Variants in WT1 observed in about 807,000 individuals in gnomAD.
WT1 encodes Wilms tumor protein.
WT1 carries 8 observed loss-of-function variants against 60.8 expected under a neutral mutation model. The ratio of observed to expected loss-of-function variants is 0.13; its 90% confidence interval spans 0.08 to 0.24. The LOEUF is 0.24. WT1 is among the 10% of genes least tolerant of loss of function. The pLI, the probability that WT1 is intolerant of heterozygous loss-of-function variation, is 1.00. For missense variants in WT1, 568 were observed against 711.8 expected (o/e 0.80, Z 2.30); for synonymous variants, 312 against 297.1 (o/e 1.05, Z -0.52).
chr11:32,396,113 C>T lies in WT1; in HGVS notation c.1264+144G>A, dbSNP rs1019710119. On this transcript the variant is annotated intron_variant, in intron 7 of 9. Coordinates refer to ENST00000452863, the MANE Select transcript of WT1 (RefSeq NM_024426.6). ...ATCAGAATGCAAAATGGCCCCACAG[C>T]CTCTTTACAACACCTGGATCAGACC... 1.8e-5 allele frequency: 21 copies of T among 1,173,904 alleles called. No individual in the cohort carries two copies. The African/African-American group carries it at 2.3e-4, about 13-fold the overall frequency. 72.7% of individuals were successfully genotyped at this position (1,173,904 alleles called of 1,614,324 possible).
At chr11:32,433,326 T>C (rs1189370939) in intron 1 of WT1, among the ~76,000 whole-genome samples, 1 of 152,284 alleles carries the variant, frequency 6.6e-6, no homozygotes, top group East Asian at 1.9e-4. Context: ...TCCCAGATTC[T>C]CCCGAAGAAA....
At chr11:32,424,614 G>T (rs1234896162) in intron 3 of WT1, among the ~76,000 whole-genome samples, 2 of 152,172 alleles carry the variant, frequency 1.3e-5, no homozygotes, top group Non-Finnish European at 2.9e-5. Context: ...GGGTAAGGAG[G>T]ATAGAGAAAA....
intron 5 of WT1, among the ~76,000 whole-genome samples, chr11:32,404,785 C>T (rs1411919054): frequency 1.3e-5 from 2 of 152,134 alleles, no homozygotes; most frequent in African/African-American, 2.4e-5. Context: ...CAAAAAGAAA[C>T]GGACTTGGGC....
chr11:32,430,828 G>A lies in WT1; in HGVS notation c.662-2209C>T, dbSNP rs1324573195. On this transcript the variant is annotated intron_variant, in intron 1 of 9. Coordinates refer to ENST00000452863, the MANE Select transcript of WT1 (RefSeq NM_024426.6). ...GTGGTGAAAGCGCCTGCGGAGCGGA[G>A]GGAGGTCTCTTTTAATTAGAAGCTT... 3 of 1,285,180 alleles carry A rather than the reference G, an allele frequency of 2.3e-6. No homozygotes were observed. In the African/African-American group the frequency reaches 4.5e-5, roughly 19 times the overall value. 79.6% of individuals were successfully genotyped at this position (1,285,180 alleles called of 1,614,324 possible).
chr11:32,387,893 T>C lies in WT1; in HGVS notation c.*1165A>G, dbSNP rs1851701212. The C allele has an allele frequency of 4.3e-6, 1 of 233,500 alleles. No individual in the cohort carries two copies. The highest frequency in any genetic ancestry group is 2.2e-5 in the African/African-American group (1 of 45,330). The allele number at this position is 233,500 out of a possible 1,614,324, so 14.5% of individuals were successfully genotyped here. The stretch of plus-strand genomic sequence containing the variant: ...AGTGATGCATCTAGTACTTATACAG[T>C]CCTAATTTTAGTTGTCAAAGAGCAA... On this transcript the variant is annotated 3_prime_UTR_variant, in exon 10 of 10. Coordinates refer to ENST00000452863, the MANE Select transcript of WT1 (RefSeq NM_024426.6).
At chr11:32,407,616 T>C (rs1852355945) in intron 5 of WT1, among the ~76,000 whole-genome samples, 1 of 152,128 alleles carries the variant, frequency 6.6e-6, no homozygotes, top group Non-Finnish European at 1.5e-5. Flanking sequence ...TTCAAACTCT[T>C]GTGTCTCTAA....
chr11:32,427,859 G>T (rs1853107829), intron 3 of WT1, 97 bp downstream of exon 3: 3 of 1,210,754 alleles, frequency 2.5e-6, no homozygotes, highest in South Asian at 3.0e-5. Context: ...CATGCCCGCA[G>T]TCAGGGCTGC....
intron 1 of WT1, among the ~76,000 whole-genome samples, chr11:32,430,159 A>G (rs1853230434): frequency 6.6e-6 from 1 of 151,930 alleles, no homozygotes; most frequent in African/African-American, 2.4e-5. Flanking sequence ...GGGATTTGAG[A>G]AGCCACTAGC....
chr11:32,431,655 C>T (rs1365054709), intron 1 of WT1, among the ~76,000 whole-genome samples: 1 of 151,752 alleles, frequency 6.6e-6, no homozygotes, highest in Non-Finnish European at 1.5e-5. Flanking sequence ...GTTGGCCAGG[C>T]TGGTCTCAAA....
Position 32,434,783 on chromosome 11 carries a change from G to A in WT1, c.578C>T (p.Ala193Val), listed in dbSNP as rs572926487. The change falls in exon 1 of 10, where the codon GCG becomes GTG. Residue 193 changes from alanine (A) to valine (V), a missense_variant. Physicochemically the swap from Ala to Val is moderately conservative, Grantham distance 64. Transcript: ENST00000452863. Reference sequence around the variant, plus strand: ...AAACATCCTGGCCTGGCCGGATGACGCCTGGCTGGGCGGAGGAGGACCGAA... The same window carrying A: ...AAACATCCTGGCCTGGCCGGATGACACCTGGCTGGGCGGAGGAGGACCGAA... 1.2e-6 allele frequency: 2 copies of A among 1,612,624 alleles called. No individual in the cohort carries two copies. Among genetic ancestry groups the A allele is most frequent in the Admixed American group, 1.7e-5 (1 of 59,976 alleles).
intron 1 of WT1, among the ~76,000 whole-genome samples, chr11:32,434,339 A>G (rs1484111911): frequency 6.6e-6 from 1 of 152,196 alleles, no homozygotes; most frequent in Non-Finnish European, 1.5e-5. Context: ...CGTTTCCTTA[A>G]TTAACAAAAC....
At chr11:32,434,572 C>T (rs1853423773) in intron 1 of WT1, 128 bp downstream of exon 1, 1 of 1,529,914 alleles carries the variant, frequency 6.5e-7, no homozygotes, top group Non-Finnish European at 8.8e-7. Flanking sequence ...TTCCGCTATC[C>T]TCACGGCCCT....
At chr11:32,394,088 G>A (rs1161451869) in intron 7 of WT1, among the ~76,000 whole-genome samples, 1 of 152,104 alleles carries the variant, frequency 6.6e-6, no homozygotes, top group Non-Finnish European at 1.5e-5. Context: ...TTTAGAGACA[G>A]GGTCTCACTA....
chr11:32,406,926 C>G (rs1264232248), intron 5 of WT1, among the ~76,000 whole-genome samples: 1 of 151,886 alleles, frequency 6.6e-6, no homozygotes, highest in East Asian at 1.9e-4. Context: ...TGGTGAAACC[C>G]CATCTCTACC....
intron 3 of WT1, among the ~76,000 whole-genome samples, chr11:32,424,825 T>C (rs952482425): frequency 6.6e-6 from 1 of 152,176 alleles, no homozygotes; most frequent in African/African-American, 2.4e-5. Flanking sequence ...ATTTTGCTTA[T>C]TTAATGTCAG....
chr11:32,404,201 C>T (rs929382971), intron 5 of WT1, among the ~76,000 whole-genome samples: 1 of 137,564 alleles, frequency 7.3e-6, no homozygotes, highest in Non-Finnish European at 1.5e-5. Context: ...ACCCGGGAGG[C>T]GGAGTTGCAG....
At chr11:32,415,590 G>A (rs1852642155) in intron 5 of WT1, among the ~76,000 whole-genome samples, 1 of 152,200 alleles carries the variant, frequency 6.6e-6, no homozygotes, top group Non-Finnish European at 1.5e-5. Context: ...GGAGGTTGCG[G>A]TGAGCGAGAT....
rs1351753257 is a variant in WT1, at chr11:32,435,333, C to G, written c.28G>C (p.Ala10Pro). 1 of 1,531,432 alleles carries G rather than the reference C, an allele frequency of 6.5e-7. No individual in the cohort carries two copies. Among genetic ancestry groups the G allele is most frequent in the South Asian group, 1.2e-5 (1 of 83,914 alleles). The allele number at this position is 1,531,432 out of a possible 1,614,324, so 94.9% of individuals were successfully genotyped here. A position where few individuals can be genotyped will look rare whatever the true frequency, so the allele number is the denominator to read the frequency against. ...GCCGGCTCCGGGACACACGTGGAAG[C>G]CGGGTCCTGCAGCAAGAGGAAGTCC... Residue 10 changes from alanine to proline, a missense_variant, in exon 1 of 10, where the codon GCT becomes CCT. Coordinates refer to ENST00000452863, the MANE Select transcript of WT1 (RefSeq NM_024426.6).
intron 5 of WT1, among the ~76,000 whole-genome samples, chr11:32,415,530 C>G (rs563307056): frequency 1.2e-3 from 185 of 152,352 alleles, no homozygotes; most frequent in African/African-American, 3.9e-3. Flanking sequence ...TGCCTGTAAT[C>G]CCAGCTACTG....
Sources: gnomAD v4.1 joint callset for allele counts (sites outside exome capture counted in the v4.1 genomes callset) on GRCh38, gnomAD v4.1.1 for gene constraint, MANE v1.5 for transcripts, NCBI Gene and HGNC (gene_info 2026-07-23, HGNC 2026-07-21) for gene names.